The following CAMSAP1 variants were observed in gnomAD, a reference collection of about 807,000 sequenced individuals.
CAMSAP1 encodes the protein calmodulin regulated spectrin associated protein 1, also known as calmodulin-regulated spectrin-associated protein 1.
In CAMSAP1, 58 loss-of-function variants were observed where a neutral mutation model predicts 143.5. The ratio of observed to expected loss-of-function variants is 0.40; its 90% CI spans 0.33 to 0.50. The LOEUF (loss-of-function observed/expected upper bound fraction) is 0.50, where lower values mean the gene tolerates loss of function less well. Ranked by LOEUF, CAMSAP1 falls within the 20% of genes least tolerant of loss-of-function variation. CAMSAP1 has a pLI of 0.45. For synonymous variants in CAMSAP1, 945 were observed against 859.3 expected, an observed-to-expected ratio of 1.10 and a Z score of -1.74; for missense variants, 1,969 against 2,115.7, an observed-to-expected ratio of 0.93 and a Z score of 1.36.
At chr9:135,904,326 C>G (rs546456433) in intron 1 of CAMSAP1, among the ~76,000 whole-genome samples, 4 of 147,396 alleles carry the variant, frequency 2.7e-5, no homozygotes, top group Non-Finnish European at 4.4e-5. Context: ...TTGAGCCCGG[C>G]AGGCGGAGGT....
Position 135,818,889 on chromosome 9 carries a change from G to GT in CAMSAP1, c.3959+120dup. On this transcript the variant is annotated intron_variant, in intron 12 of 16. Transcript: ENST00000389532. This position sits in a 1 kb window ranked among gnomAD's most constrained non-coding sequence, Gnocchi z 7.7. ...TTCGGGGAGGTGGTCCATGGGAGGA[G>GT]TAAGACCGTCACAGGCACTCATTGC... is the stretch of plus-strand genomic sequence containing the variant. 4.9e-6 allele frequency: 7 copies of GT among 1,441,248 alleles called. No homozygotes were observed. The highest frequency in any genetic ancestry group is 6.5e-6 in the Non-Finnish European group (7 of 1,071,472). The allele number at this position is 1,441,248 out of a possible 1,614,324, so 89.3% of individuals were successfully genotyped here. A position where few individuals can be genotyped will look rare whatever the true frequency, so the allele number is the denominator to read the frequency against.
intron 3 of CAMSAP1, among the ~76,000 whole-genome samples, chr9:135,879,996 AT>A (rs1019352350): frequency 6.6e-6 from 1 of 152,054 alleles, no homozygotes; most frequent in African/African-American, 2.4e-5. Context: ...AACTATCAGA[AT>A]TTTTACCAAA....
Position 135,904,099 on chromosome 9 carries a change from G to A in CAMSAP1, c.160+2901C>T, listed in dbSNP as rs565859162. On this transcript the variant is annotated intron_variant, in intron 1 of 16. Coordinates refer to ENST00000389532, the MANE Select transcript of CAMSAP1 (RefSeq NM_015447.4). ...TTTACACAGGAGGTCTAAGTGCGGTGCCTCATGCCTGTAATCCTAGCACTT... is the reference window on the plus strand; with the variant it reads ...TTTACACAGGAGGTCTAAGTGCGGTACCTCATGCCTGTAATCCTAGCACTT... Among the ~76,000 whole-genome samples, 3 of 152,326 alleles carry A rather than the reference G, an allele frequency of 2.0e-5. No homozygotes were observed. In the East Asian group the frequency reaches 5.8e-4, roughly 29 times the overall value.
intron 1 of CAMSAP1, among the ~76,000 whole-genome samples, chr9:135,905,154 T>C (rs1323149793): frequency 3.3e-5 from 5 of 152,338 alleles, no homozygotes; most frequent in Admixed American, 2.0e-4. Flanking sequence ...CAAAAGCCCA[T>C]GTTAGTATCA....
In CAMSAP1 at chr9:135,907,173, G is replaced by C. The variant is rs1838811086; in HGVS notation, c.-14C>G. The C allele has an allele frequency of 1.8e-6, 2 of 1,081,264 alleles. No homozygotes were observed. The highest frequency in any genetic ancestry group is 5.4e-5 in the Admixed American group (1 of 18,600). The allele number at this position is 1,081,264 out of a possible 1,614,324, so 67.0% of individuals were successfully genotyped here. A position where few individuals can be genotyped will look rare whatever the true frequency, so the allele number is the denominator to read the frequency against. ...CGCGTCCACCATCTGCAGACAAAGG[G>C]CTGAGGCGGCGGCCCGGCCGCAACA... On this transcript the variant is annotated 5_prime_UTR_variant, in exon 1 of 17. Coordinates refer to ENST00000389532, the MANE Select transcript of CAMSAP1 (RefSeq NM_015447.4).
At chr9:135,839,215 G>A (rs1836249436) in intron 7 of CAMSAP1, among the ~76,000 whole-genome samples, 1 of 152,164 alleles carries the variant, frequency 6.6e-6, no homozygotes, top group Admixed American at 6.5e-5. Context: ...CCTCCCTGCT[G>A]ATGCAGAGTG....
chr9:135,848,656 C>T lies in CAMSAP1; in HGVS notation c.1045+1481G>A, dbSNP rs75455229. ...CAGGAGAATCTTCCTTGTAGCTGCT[C>T]GTGGCTGTGGCTCACACACACCCAG... On this transcript the variant is annotated intron_variant, in intron 7 of 16. Transcript: ENST00000389532. Among the ~76,000 whole-genome samples the T allele has an allele frequency of 7.6e-4, 116 of 152,296 alleles. 4 individuals are homozygous for T. The East Asian group carries it at 0.021, about 27-fold the overall frequency.
intron 11 of CAMSAP1, among the ~76,000 whole-genome samples, chr9:135,819,462 G>A (rs1835362038): frequency 6.6e-6 from 1 of 152,088 alleles, no homozygotes; most frequent in Non-Finnish European, 1.5e-5. Flanking sequence ...ACTTTGGGAG[G>A]CTGAGGTGGG....
At position 135,882,882 on chromosome 9, in the gene CAMSAP1, G is replaced by T; in HGVS notation, c.357C>A (p.Ile119=). 6.4e-7 allele frequency: 1 copy of T among 1,551,642 alleles called. No individual in the cohort carries two copies. Among genetic ancestry groups the T allele is most frequent in the Non-Finnish European group, 8.7e-7 (1 of 1,147,004 alleles). Residue 119 remains isoleucine, a synonymous_variant, in exon 2 of 17, where the codon ATC becomes ATA. Transcript: ENST00000389532. This position sits in a 1 kb window ranked among gnomAD's most constrained non-coding sequence, Gnocchi z 4.9. ...GGGTGTCATCACTCTCCATCACATAGATCCCTTTCCGGGACAGGGCCTGGA... is the reference window on the plus strand; with the variant it reads ...GGGTGTCATCACTCTCCATCACATATATCCCTTTCCGGGACAGGGCCTGGA... ...SVIQALSRKG[I]YVMESDDTPV...
At position 135,821,090 on chromosome 9, in the gene CAMSAP1, G is replaced by T; in HGVS notation, c.3571C>A (p.Leu1191Ile). ...TLSSSKDANI[L>I]SEQMSLKEVL... Reference sequence around the variant, plus strand: ...TCTTTGAGGCTCATCTGCTCCGAAAGAATGTTGGCATCTTTGGAAGAGGAC... The same window carrying T: ...TCTTTGAGGCTCATCTGCTCCGAAATAATGTTGGCATCTTTGGAAGAGGAC... Residue 1191 changes from leucine (L) to isoleucine (I), a missense_variant, in exon 11 of 17, where the codon CTT (leucine) becomes ATT (isoleucine). Physicochemically the swap from Leu to Ile is conservative, Grantham distance 5 (BLOSUM62 2). This residue lies in a region of CAMSAP1 where 1,390 missense variants were observed against 1,420.8 expected (regional missense o/e 0.98). Coordinates refer to ENST00000389532, the MANE Select transcript of CAMSAP1 (RefSeq NM_015447.4). The surrounding 1 kb of genome is among the most constrained non-coding windows in gnomAD (Gnocchi z 4.6). 3 of 1,613,982 alleles carry T rather than the reference G, an allele frequency of 1.9e-6. No individual in the cohort carries two copies. The highest frequency in any genetic ancestry group is 2.5e-6 in the Non-Finnish European group (3 of 1,179,910).
intron 4 of CAMSAP1, chr9:135,865,303 T>C: frequency 6.5e-7 from 1 of 1,550,168 alleles, no homozygotes; most frequent in Non-Finnish European, 8.7e-7. Flanking sequence ...GCTCTGTAGA[T>C]GGCAGCTGGC....
At chr9:135,898,115 A>T (rs766468480) in intron 1 of CAMSAP1, among the ~76,000 whole-genome samples, 1 of 152,222 alleles carries the variant, frequency 6.6e-6, no homozygotes, top group Non-Finnish European at 1.5e-5. Context: ...AAACTAGAAA[A>T]AGAAGACCAA....
chr9:135,906,616 A>T (rs1432673629), intron 1 of CAMSAP1, among the ~76,000 whole-genome samples: 1 of 152,236 alleles, frequency 6.6e-6, no homozygotes, highest in Non-Finnish European at 1.5e-5. Flanking sequence ...CCAGCACTGG[A>T]CGATGCCCGG....
chr9:135,872,557 T>G (rs560141952), intron 3 of CAMSAP1, among the ~76,000 whole-genome samples: 6 of 152,256 alleles, frequency 3.9e-5, no homozygotes, highest in Admixed American at 1.3e-4. Context: ...GTTTAAACAC[T>G]CTAAGAGATT....
chr9:135,816,342 A>G (rs1294686480), intron 14 of CAMSAP1, among the ~76,000 whole-genome samples: 1 of 152,174 alleles, frequency 6.6e-6, no homozygotes, highest in Non-Finnish European at 1.5e-5. Context: ...CTGCTGGCTC[A>G]GGAAGCCAGA....
In CAMSAP1 at chr9:135,809,196, T is replaced by C. The variant is rs1834953207; in HGVS notation, c.*2113A>G. The C allele has an allele frequency of 6.6e-6, 1 of 152,202 alleles. No individual in the cohort carries two copies. Among genetic ancestry groups the C allele is most frequent in the Non-Finnish European group, 1.5e-5 (1 of 68,042 alleles). 9.4% of individuals were successfully genotyped at this position (152,202 alleles called of 1,614,324 possible). On this transcript the variant is annotated 3_prime_UTR_variant, in exon 17 of 17. Transcript: ENST00000389532. ...AAGACTAATTAAAAGGGTTGCTGTGTCCAAGCATGAAGAACGCAGGGACGC... is the reference window on the plus strand; with the variant it reads ...AAGACTAATTAAAAGGGTTGCTGTGCCCAAGCATGAAGAACGCAGGGACGC...
chr9:135,818,797 G>A lies in CAMSAP1; in HGVS notation c.3960-181C>T. 1 of 1,065,864 alleles carries A rather than the reference G, an allele frequency of 9.4e-7. No homozygotes were observed. 66.0% of individuals were successfully genotyped at this position (1,065,864 alleles called of 1,614,324 possible). On this transcript the variant is annotated intron_variant, in intron 12 of 16. Transcript: ENST00000389532. This position sits in a 1 kb window ranked among gnomAD's most constrained non-coding sequence, Gnocchi z 7.7. ...GGCAGTCCTGCAGATGACCCACCGA[G>A]GCCACACAGCCTCCCTGGCCACCGG...
At chr9:135,858,033 G>A (rs1837039443) in intron 5 of CAMSAP1, among the ~76,000 whole-genome samples, 1 of 152,030 alleles carries the variant, frequency 6.6e-6, no homozygotes, top group South Asian at 2.1e-4. Flanking sequence ...AACTTTCAAG[G>A]AATCCACCCT....
chr9:135,907,417 G>A lies in CAMSAP1; in HGVS notation c.-258C>T, dbSNP rs1301590016. 2.1e-5 allele frequency among the ~76,000 whole-genome samples: 3 copies of A among 146,064 alleles called. No individual in the cohort carries two copies. The highest frequency in any genetic ancestry group is 7.4e-5 in the African/African-American group (3 of 40,706). ...CAAAGAGGCGGCGGCAGGAGGGCGC[G>A]GGCCGGGGGCGGGGGCGGGCGCGGG... On this transcript the variant is annotated 5_prime_UTR_variant, in exon 1 of 17. Coordinates refer to ENST00000389532, the MANE Select transcript of CAMSAP1 (RefSeq NM_015447.4).
Sources: gnomAD v4.1 joint callset for allele counts (sites outside exome capture counted in the v4.1 genomes callset) on GRCh38, gnomAD v4.1.1 for gene constraint, gnomAD v4.1.1 regional missense constraint, Gnocchi (gnomAD v3.1) non-coding constraint, MANE v1.5 for transcripts, NCBI Gene and HGNC (gene_info 2026-07-23, HGNC 2026-07-21) for gene names.